Variants in NLGN1 observed in about 807,000 individuals in gnomAD.
NLGN1 encodes the protein neuroligin-1.
Under a neutral mutation model 65.5 loss-of-function variants are expected in NLGN1, and 12 were observed. The ratio of observed to expected loss-of-function variants is 0.18; its 90% CI spans 0.12 to 0.30. NLGN1 has a LOEUF of 0.30. Among genes scored for constraint, NLGN1 ranks in the 10% least tolerant of loss-of-function variants. The pLI is 1.00. For missense variants in NLGN1, 750 were observed against 1,007.1 expected (o/e 0.74, Z 3.46); for synonymous variants, 350 against 359.5 (o/e 0.97, Z 0.30).
At chr3:173,708,736 C>G (rs1269531393) in intron 3 of NLGN1, among the ~76,000 whole-genome samples, 3 of 152,078 alleles carry the variant, frequency 2.0e-5, no homozygotes, top group African/African-American at 7.2e-5. Flanking sequence ...CAGGGGCCCA[C>G]CTTGCCTAGA....
chr3:173,791,437 A>G (rs1331246313), intron 3 of NLGN1, among the ~76,000 whole-genome samples: 2 of 152,008 alleles, frequency 1.3e-5, no homozygotes, highest in South Asian at 2.1e-4. Flanking sequence ...AAGTTATGCA[A>G]TTTAACTGAT....
At chr3:174,243,256 C>G (rs1743221991) in intron 4 of NLGN1, among the ~76,000 whole-genome samples, 1 of 152,146 alleles carries the variant, frequency 6.6e-6, no homozygotes, top group South Asian at 2.1e-4. Flanking sequence ...GGAAGGAGAT[C>G]ATATTTAAAT....
chr3:174,074,750 A>C (rs1159084340), intron 4 of NLGN1, among the ~76,000 whole-genome samples: 1 of 152,196 alleles, frequency 6.6e-6, no homozygotes, highest in African/African-American at 2.4e-5. Context: ...GATGATTCTT[A>C]GCGTGTAAGG....
At chr3:174,276,250 CA>C (rs1196157537) in intron 5 of NLGN1, among the ~76,000 whole-genome samples, 4 of 151,474 alleles carry the variant, frequency 2.6e-5, no homozygotes, top group African/African-American at 9.7e-5. Flanking sequence ...TATTTTTTCC[CA>C]AGTGCCTGTC....
chr3:174,142,245 C>T (rs1722421816), intron 4 of NLGN1, among the ~76,000 whole-genome samples: 2 of 152,144 alleles, frequency 1.3e-5, no homozygotes, highest in Admixed American at 1.3e-4. Context: ...TATGTTGATG[C>T]ATATTCATTT....
chr3:173,425,259 G>A (rs370547938), intron 1 of NLGN1, among the ~76,000 whole-genome samples: 2 of 152,262 alleles, frequency 1.3e-5, no homozygotes, highest in African/African-American at 4.8e-5. Context: ...TTCACGATGA[G>A]ATTTGGGTGG....
At chr3:173,972,135 G>T (rs1309236640) in intron 4 of NLGN1, among the ~76,000 whole-genome samples, 1 of 152,072 alleles carries the variant, frequency 6.6e-6, no homozygotes, top group Admixed American at 6.6e-5. Context: ...AACAAAGTAA[G>T]AATATCCCAC....
rs1051229152 is a variant in NLGN1 at position 173,432,013 on chromosome 3, T to G, written c.-389-2997T>G. Among the ~76,000 whole-genome samples the G allele has an allele frequency of 7.2e-5, 11 of 152,324 alleles. No homozygotes were observed. In the East Asian group the frequency reaches 2.1e-3, roughly 29 times the overall value. On this transcript the variant is annotated intron_variant, in intron 1 of 6. Coordinates refer to ENST00000457714, the Ensembl canonical transcript of NLGN1. Reference sequence around the variant, plus strand: ...CAATTTCATATTGAATTCTTTCACTTAGTAATATGCATGTAAGGTTCCTCC... The same window carrying G: ...CAATTTCATATTGAATTCTTTCACTGAGTAATATGCATGTAAGGTTCCTCC...
intron 2 of NLGN1, among the ~76,000 whole-genome samples, chr3:173,547,302 G>A (rs1249656120): frequency 6.6e-6 from 1 of 152,066 alleles, no homozygotes; most frequent in Non-Finnish European, 1.5e-5. Context: ...CAGGATTATA[G>A]CGCATACTCT....
intron 4 of NLGN1, among the ~76,000 whole-genome samples, chr3:173,879,255 G>A (rs371151218): frequency 1.4e-5 from 2 of 147,714 alleles, no homozygotes; most frequent in Admixed American, 6.7e-5. Flanking sequence ...AAGAAAGAAA[G>A]AAAAAAATGT....
At chr3:174,220,509 T>C (rs79540993) in intron 4 of NLGN1, among the ~76,000 whole-genome samples, 2,036 of 152,216 alleles carry the variant, frequency 0.013, 15 homozygotes, top group South Asian at 0.031. Flanking sequence ...TACACACACA[T>C]ACTTGAAGAC....
At chr3:174,131,980 T>G (rs980521068) in intron 4 of NLGN1, among the ~76,000 whole-genome samples, 2 of 152,184 alleles carry the variant, frequency 1.3e-5, no homozygotes, top group African/African-American at 4.8e-5. Context: ...GCTCAAACAC[T>G]GGCTGGCTTC....
intron 4 of NLGN1, among the ~76,000 whole-genome samples, chr3:174,143,485 G>C (rs1040502412): frequency 2.0e-5 from 3 of 152,178 alleles, no homozygotes; most frequent in Non-Finnish European, 2.9e-5. Flanking sequence ...CATAATCTCT[G>C]TATTCCAAGT....
chr3:174,236,882 A>C (rs1344774593), intron 4 of NLGN1, among the ~76,000 whole-genome samples: 2 of 152,100 alleles, frequency 1.3e-5, no homozygotes, highest in Non-Finnish European at 2.9e-5. Context: ...TTTCCCAGTT[A>C]GTACACAATT....
At chr3:174,262,320 T>C in intron 4 of NLGN1, among the ~76,000 whole-genome samples, 1 of 90,938 alleles carries the variant, frequency 1.1e-5, no homozygotes, top group Non-Finnish European at 2.1e-5. Context: ...GGTCCTGGAC[T>C]CTTTTTGGTT....
intron 4 of NLGN1, among the ~76,000 whole-genome samples, chr3:174,139,160 G>A (rs1721821197): frequency 1.3e-5 from 2 of 151,736 alleles, no homozygotes; most frequent in South Asian, 2.1e-4. Context: ...GTTCATTCTC[G>A]GTGTTGTACG....
chr3:173,679,059 A>G (rs1274731033), intron 3 of NLGN1, among the ~76,000 whole-genome samples: 3 of 151,986 alleles, frequency 2.0e-5, no homozygotes, highest in Non-Finnish European at 2.9e-5. Flanking sequence ...GGAAATCACA[A>G]ATTAATACTG....
At chr3:173,492,094 C>T (rs1238862228) in intron 2 of NLGN1, among the ~76,000 whole-genome samples, 5 of 151,770 alleles carry the variant, frequency 3.3e-5, no homozygotes, top group Admixed American at 1.3e-4. Context: ...TGGGTTTACT[C>T]TATGTATAAT....
In NLGN1 at chr3:173,889,134, T is replaced by C. The variant is rs1278844243; in HGVS notation, c.646+81302T>C. Among the ~76,000 whole-genome samples the C allele has an allele frequency of 2.0e-5, 3 of 152,144 alleles. No homozygotes were observed. The East Asian group carries it at 5.8e-4, about 29-fold the overall frequency. On this transcript the variant is annotated intron_variant, in intron 4 of 6. Transcript: ENST00000457714. ...TGAGCATTTTGACATGAAACTGTTA[T>C]TTCTCATCCGAAGTCATAATTGTTC...
Sources: allele counts gnomAD v4.1 joint callset (sites outside exome capture counted in the v4.1 genomes callset), GRCh38; gene constraint gnomAD v4.1.1; transcripts MANE v1.5; gene names NCBI Gene and HGNC (gene_info 2026-07-23, HGNC 2026-07-21).